KCNH1: variants seen among roughly 807,000 people sequenced by gnomAD.
KCNH1 encodes potassium voltage-gated channel subfamily H member 1.
Under a neutral mutation model 69.2 loss-of-function variants are expected in KCNH1, and 27 were observed. That is an observed-to-expected ratio of 0.39 (90% CI 0.29 to 0.54). The LOEUF (loss-of-function observed/expected upper bound fraction) is 0.54, where lower values mean the gene tolerates loss of function less well. Among genes scored for constraint, KCNH1 ranks in the 20% least tolerant of loss-of-function variants. The probability of loss-of-function intolerance (pLI) is 0.68; values close to 1 mark genes in which losing one functional copy is unlikely to be tolerated. For synonymous variants in KCNH1, 456 were observed against 487.7 expected (o/e 0.93, Z 0.86); for missense variants, 798 against 1,261.6 (o/e 0.63, Z 5.57).
chr1:211,035,442 G>C (rs1465920007), intron 5 of KCNH1, among the ~76,000 whole-genome samples: 1 of 150,786 alleles, frequency 6.6e-6, no homozygotes, highest in African/African-American at 2.4e-5. Context: ...TAGAGACGGG[G>C]TTTCACCGTT....
intron 9 of KCNH1, among the ~76,000 whole-genome samples, chr1:210,795,711 C>A (rs1481821157): frequency 1.3e-5 from 2 of 152,072 alleles, no homozygotes; most frequent in Non-Finnish European, 2.9e-5. Flanking sequence ...ATTCTAACTT[C>A]AGAGTAACTT....
intron 10 of KCNH1, among the ~76,000 whole-genome samples, chr1:210,753,836 A>G (rs1558455445): frequency 6.6e-6 from 1 of 152,174 alleles, no homozygotes; most frequent in Non-Finnish European, 1.5e-5. Context: ...TAGTGCAAAC[A>G]TACACAAAGA....
intron 7 of KCNH1, among the ~76,000 whole-genome samples, chr1:210,854,760 C>G (rs909861497): frequency 6.6e-6 from 1 of 152,132 alleles, no homozygotes; most frequent in Non-Finnish European, 1.5e-5. Context: ...ATATTCTCCT[C>G]CTATAGGCTG....
intron 7 of KCNH1, among the ~76,000 whole-genome samples, chr1:210,835,707 C>G (rs567117555): frequency 6.6e-6 from 1 of 152,260 alleles, no homozygotes; most frequent in South Asian, 2.1e-4. Context: ...GGGGGAAATA[C>G]TGATGATCTT....
At chr1:210,825,910 G>T (rs1485331365) in intron 7 of KCNH1, among the ~76,000 whole-genome samples, 1 of 152,186 alleles carries the variant, frequency 6.6e-6, no homozygotes, top group East Asian at 1.9e-4. Context: ...AAAAGTACAA[G>T]TATAGTAGGA....
chr1:210,917,101 A>G (rs565690045), intron 7 of KCNH1, among the ~76,000 whole-genome samples: 2 of 151,922 alleles, frequency 1.3e-5, no homozygotes, highest in African/African-American at 4.8e-5. Flanking sequence ...TGAGCCTATC[A>G]TACCACTGCA....
chr1:210,828,033 C>T (rs529654698), intron 7 of KCNH1, among the ~76,000 whole-genome samples: 4 of 151,872 alleles, frequency 2.6e-5, no homozygotes, highest in East Asian at 3.9e-4. Context: ...ATTAGAGATG[C>T]GGTTTCACCA....
At chr1:211,071,538 T>C (rs1306318809) in intron 5 of KCNH1, among the ~76,000 whole-genome samples, 1 of 152,258 alleles carries the variant, frequency 6.6e-6, no homozygotes, top group Non-Finnish European at 1.5e-5. Context: ...TATACTTTAG[T>C]TCATGTTATG....
chr1:211,035,233 A>ATTTTTTTTTTTTTTT (rs1689872542), intron 5 of KCNH1, among the ~76,000 whole-genome samples: 1 of 104,784 alleles, frequency 9.5e-6, no homozygotes, highest in African/African-American at 3.8e-5. Flanking sequence ...GGGTACTGGC[A>ATTTTTTTTTTTTTTT]TTCTTTTTTT....
At chr1:210,857,289 A>G (rs1374549549) in intron 7 of KCNH1, among the ~76,000 whole-genome samples, 1 of 152,206 alleles carries the variant, frequency 6.6e-6, no homozygotes, top group East Asian at 1.9e-4. Context: ...GAAGCAGAAA[A>G]TAAATATGGG....
At chr1:210,909,051 G>A (rs998854335) in intron 7 of KCNH1, among the ~76,000 whole-genome samples, 3 of 152,224 alleles carry the variant, frequency 2.0e-5, no homozygotes, top group Admixed American at 6.5e-5. Context: ...TAGCTGATGA[G>A]AGCTGAAATT....
intron 7 of KCNH1, among the ~76,000 whole-genome samples, chr1:210,852,664 AAAT>A (rs1233443182): frequency 6.6e-6 from 1 of 152,206 alleles, no homozygotes; most frequent in Non-Finnish European, 1.5e-5. Flanking sequence ...TGCACTATTT[AAAT>A]AATATTTAGG....
At chr1:211,100,364 T>C (rs1251594707) in intron 3 of KCNH1, among the ~76,000 whole-genome samples, 1 of 152,142 alleles carries the variant, frequency 6.6e-6, no homozygotes, top group Admixed American at 6.5e-5. Flanking sequence ...ACACACATTT[T>C]GGGAGACAGA....
chr1:210,725,921 C>T (rs755430262), intron 10 of KCNH1, among the ~76,000 whole-genome samples: 8 of 152,182 alleles, frequency 5.3e-5, no homozygotes, highest in Non-Finnish European at 1.0e-4. Context: ...GACTTCCCTA[C>T]CTCTGACAAT....
chr1:210,901,660 C>A (rs1049124444), intron 7 of KCNH1, among the ~76,000 whole-genome samples: 1 of 152,142 alleles, frequency 6.6e-6, no homozygotes, highest in African/African-American at 2.4e-5. Context: ...GGTCCAGGGG[C>A]TGGAGATGGG....
intron 7 of KCNH1, chr1:210,860,309 C>T (rs997002011): frequency 7.4e-7 from 1 of 1,348,176 alleles, no homozygotes; most frequent in Non-Finnish European, 1.1e-6. Flanking sequence ...AGGCTATGCG[C>T]TAAAGAGATG....
At chr1:211,116,101 A>C (rs1462802976) in intron 1 of KCNH1, among the ~76,000 whole-genome samples, 1 of 152,182 alleles carries the variant, frequency 6.6e-6, no homozygotes, top group Non-Finnish European at 1.5e-5. Flanking sequence ...ATGCCACTGC[A>C]ATCCAGCCTG....
At chr1:210,837,121 C>T (rs1685299643) in intron 7 of KCNH1, among the ~76,000 whole-genome samples, 1 of 152,186 alleles carries the variant, frequency 6.6e-6, no homozygotes, top group African/African-American at 2.4e-5. Flanking sequence ...GCTCCATGCT[C>T]TCAAGTATAT....
intron 6 of KCNH1, among the ~76,000 whole-genome samples, chr1:210,987,095 A>G (rs917412490): frequency 6.6e-6 from 1 of 152,180 alleles, no homozygotes; most frequent in Non-Finnish European, 1.5e-5. Context: ...AGGCTTGTGC[A>G]TTCGTCACAT....
Sources: allele counts gnomAD v4.1 joint callset (sites outside exome capture counted in the v4.1 genomes callset), GRCh38; gene constraint gnomAD v4.1.1; transcripts MANE v1.5; gene names NCBI Gene and HGNC (gene_info 2026-07-23, HGNC 2026-07-21).